PTPRD: variants seen among roughly 807,000 people sequenced by gnomAD.
PTPRD encodes the protein receptor-type tyrosine-protein phosphatase delta.
PTPRD carries 34 observed loss-of-function variants against 214.5 expected under a neutral mutation model. The observed-to-expected ratio is 0.16, with a 90% CI of 0.12 to 0.21. PTPRD has a LOEUF of 0.21. PTPRD is among the 10% of genes least tolerant of loss of function. The pLI is 1.00. For missense variants in PTPRD, 2,545 were observed against 2,398.7 expected (o/e 1.06, Z -1.27); for synonymous variants, 1,128 against 845.7 (o/e 1.33, Z -5.79).
chr9:10,522,109 G>A (rs1318892234), intron 2 of PTPRD, among the ~76,000 whole-genome samples: 1 of 152,050 alleles, frequency 6.6e-6, no homozygotes, highest in Non-Finnish European at 1.5e-5. Context: ...AGGTACTGGT[G>A]GTACCTGACT....
intron 7 of PTPRD, among the ~76,000 whole-genome samples, chr9:9,637,919 G>GA (rs1171936091): frequency 6.6e-6 from 1 of 152,106 alleles, no homozygotes; most frequent in African/African-American, 2.4e-5. Context: ...TCTATACTCT[G>GA]TGAGCCTACA....
chr9:10,477,444 C>T (rs898780703), intron 2 of PTPRD, among the ~76,000 whole-genome samples: 2 of 151,996 alleles, frequency 1.3e-5, no homozygotes, highest in African/African-American at 4.8e-5. Flanking sequence ...CCATCTCAAG[C>T]CAGTTAGAAT....
chr9:9,988,539 C>CAAAG (rs919267148), intron 4 of PTPRD, among the ~76,000 whole-genome samples: 9 of 152,100 alleles, frequency 5.9e-5, no homozygotes, highest in Non-Finnish European at 4.4e-5. Context: ...ACATAAGTCT[C>CAAAG]AAAGATAAAG....
At chr9:9,543,348 G>A (rs2078047757) in intron 8 of PTPRD, among the ~76,000 whole-genome samples, 1 of 151,524 alleles carries the variant, frequency 6.6e-6, no homozygotes, top group African/African-American at 2.4e-5. Flanking sequence ...CTTTCCAGAG[G>A]GATGCAAATG....
intron 9 of PTPRD, among the ~76,000 whole-genome samples, chr9:9,335,555 G>A (rs546893196): frequency 1.6e-4 from 24 of 151,910 alleles, no homozygotes; most frequent in African/African-American, 5.1e-4. Flanking sequence ...TTTTAAAGCT[G>A]GTATTTATTT....
chr9:9,774,747 T>C (rs765124685), intron 5 of PTPRD, among the ~76,000 whole-genome samples: 8 of 152,196 alleles, frequency 5.3e-5, no homozygotes, highest in Admixed American at 1.3e-4. Context: ...TCTAAGTAAA[T>C]GCTAATCATT....
At chr9:8,499,419 A>G (rs951214455) in intron 25 of PTPRD, among the ~76,000 whole-genome samples, 12 of 152,212 alleles carry the variant, frequency 7.9e-5, no homozygotes, top group African/African-American at 2.7e-4. Flanking sequence ...TTTTAAGGAA[A>G]AAGTAACATG....
intron 43 of PTPRD, among the ~76,000 whole-genome samples, chr9:8,337,375 G>C (rs76782148): frequency 0.079 from 12,026 of 151,818 alleles, 538 homozygotes; most frequent in Middle Eastern, 0.12. Context: ...ACCAAACACT[G>C]CACTCAAAAG....
chr9:8,703,676 A>T (rs973448305), intron 12 of PTPRD, among the ~76,000 whole-genome samples: 2 of 151,884 alleles, frequency 1.3e-5, no homozygotes, highest in Non-Finnish European at 2.9e-5. Context: ...TGGGTCTTGA[A>T]CCCTACGGCA....
chr9:9,030,316 T>C (rs1045799429), intron 10 of PTPRD, among the ~76,000 whole-genome samples: 4 of 138,590 alleles, frequency 2.9e-5, no homozygotes, highest in Non-Finnish European at 4.6e-5. Flanking sequence ...TTTACAGATA[T>C]CTTTATTCTT....
intron 8 of PTPRD, among the ~76,000 whole-genome samples, chr9:9,472,078 A>G (rs998416742): frequency 1.3e-5 from 2 of 152,084 alleles, no homozygotes; most frequent in African/African-American, 4.8e-5. Flanking sequence ...ATGGTGATCT[A>G]TGCCAATATT....
chr9:10,363,673 TC>T (rs2097441097), intron 2 of PTPRD, among the ~76,000 whole-genome samples: 2 of 152,286 alleles, frequency 1.3e-5, no homozygotes, highest in African/African-American at 2.4e-5. Flanking sequence ...TGCAAAATCA[TC>T]CACGTCAACA....
At chr9:8,712,022 G>C (rs2098344772) in intron 12 of PTPRD, among the ~76,000 whole-genome samples, 1 of 152,210 alleles carries the variant, frequency 6.6e-6, no homozygotes. Flanking sequence ...TTGTAGTAAT[G>C]AATACATAAC....
intron 11 of PTPRD, among the ~76,000 whole-genome samples, chr9:8,891,278 C>T (rs1371916928): frequency 6.6e-6 from 1 of 151,676 alleles, no homozygotes; most frequent in African/African-American, 2.4e-5. Context: ...GGACTACAGG[C>T]ACCCGCCACC....
intron 2 of PTPRD, among the ~76,000 whole-genome samples, chr9:10,574,599 G>C (rs2068563787): frequency 6.6e-6 from 1 of 151,936 alleles, no homozygotes; most frequent in Admixed American, 6.6e-5. Flanking sequence ...AAATACATTT[G>C]TGGGTTAATG....
At chr9:9,652,798 G>A (rs2096398734) in intron 7 of PTPRD, among the ~76,000 whole-genome samples, 1 of 151,762 alleles carries the variant, frequency 6.6e-6, no homozygotes, top group Non-Finnish European at 1.5e-5. Context: ...GTATCTAGTA[G>A]TGATGGGGCT....
intron 4 of PTPRD, among the ~76,000 whole-genome samples, chr9:9,990,671 T>A (rs1683446200): frequency 6.6e-6 from 1 of 152,216 alleles, no homozygotes; most frequent in Admixed American, 6.5e-5. Context: ...CTGTGAGGGG[T>A]GAGCTGCCCA....
intron 11 of PTPRD, among the ~76,000 whole-genome samples, chr9:8,757,163 TA>T (rs1388284209): frequency 1.3e-5 from 2 of 150,790 alleles, no homozygotes; most frequent in Non-Finnish European, 2.9e-5. Context: ...AATCTATGAA[TA>T]AATATTTATT....
intron 10 of PTPRD, among the ~76,000 whole-genome samples, chr9:9,098,239 A>C (rs1023100512): frequency 3.8e-4 from 58 of 151,508 alleles, no homozygotes; most frequent in Admixed American, 5.3e-4. Context: ...TTTGACTCCT[A>C]TTCTTTTGTC....
Sources: gnomAD v4.1 joint callset for allele counts (sites outside exome capture counted in the v4.1 genomes callset) on GRCh38, gnomAD v4.1.1 for gene constraint, MANE v1.5 for transcripts, NCBI Gene and HGNC (gene_info 2026-07-23, HGNC 2026-07-21) for gene names.